The following CNTN5 variants were observed in gnomAD, a reference collection of about 807,000 sequenced individuals.
CNTN5 encodes the protein contactin 5.
In CNTN5, 77 loss-of-function variants were observed where a neutral mutation model predicts 129.1. The observed-to-expected ratio is 0.60, with a 90% CI of 0.50 to 0.72. CNTN5 has a LOEUF of 0.72. Ranked by LOEUF, CNTN5 falls within the 30% of genes least tolerant of loss-of-function variation. CNTN5 has a pLI of 0.00. For missense variants in CNTN5, 1,478 were observed against 1,328.8 expected, an observed-to-expected ratio of 1.11 and a Z score of -1.75; for synonymous variants, 509 against 465.6, an observed-to-expected ratio of 1.09 and a Z score of -1.20.
chr11:99,440,778 T>C (rs943627463), intron 2 of CNTN5, among the ~76,000 whole-genome samples: 2 of 152,178 alleles, frequency 1.3e-5, no homozygotes, highest in African/African-American at 4.8e-5. Context: ...AGTGCATAGA[T>C]ATGTCCAGGC....
At chr11:99,403,830 A>G (rs1466392332) in intron 2 of CNTN5, among the ~76,000 whole-genome samples, 1 of 152,172 alleles carries the variant, frequency 6.6e-6, no homozygotes, top group Non-Finnish European at 1.5e-5. Context: ...TGTATTCTGC[A>G]GTTCTTGGAT....
chr11:99,050,792 A>T (rs927335593), intron 1 of CNTN5, among the ~76,000 whole-genome samples: 3 of 151,864 alleles, frequency 2.0e-5, no homozygotes, highest in African/African-American at 7.2e-5. Context: ...GAAAAATTGA[A>T]TATATGTTTT....
At position 100,216,167 on chromosome 11, in the gene CNTN5, T is replaced by C. The variant is rs578080897; in HGVS notation, c.1885-8525T>C. ...TAACTGATGAGTGAGATGAAGCTACTCATACTCTCCGTGGCTGGGCTCTGC... is the reference window on the plus strand; with the variant it reads ...TAACTGATGAGTGAGATGAAGCTACCCATACTCTCCGTGGCTGGGCTCTGC... On this transcript the variant is annotated intron_variant, in intron 15 of 24. Transcript: ENST00000524871. Among the ~76,000 whole-genome samples, 43 of 152,242 alleles carry C rather than the reference T, an allele frequency of 2.8e-4. 1 individual carries two copies. In the South Asian group the frequency reaches 8.7e-3, roughly 31 times the overall value.
intron 23 of CNTN5, among the ~76,000 whole-genome samples, chr11:100,350,050 T>C (rs1230916424): frequency 6.6e-6 from 1 of 151,870 alleles, no homozygotes; most frequent in Non-Finnish European, 1.5e-5. Flanking sequence ...GCTTTAGCTT[T>C]GCTACACCAT....
chr11:99,150,630 T>G (rs1006213871), intron 1 of CNTN5, among the ~76,000 whole-genome samples: 8 of 152,030 alleles, frequency 5.3e-5, no homozygotes, highest in Admixed American at 1.3e-4. Context: ...TTTCAGAAAG[T>G]TGTAATAAAT....
At chr11:100,333,431 A>C (rs1004829684) in intron 21 of CNTN5, among the ~76,000 whole-genome samples, 1 of 142,568 alleles carries the variant, frequency 7.0e-6, no homozygotes, top group Non-Finnish European at 1.5e-5. Context: ...AAAAAAAAAA[A>C]ACACCTAAAA....
intron 3 of CNTN5, among the ~76,000 whole-genome samples, chr11:99,590,655 A>G (rs117534836): frequency 1.3e-5 from 2 of 152,356 alleles, no homozygotes; most frequent in East Asian, 3.9e-4. Flanking sequence ...TTCCAGACAA[A>G]GGGAATAGCA....
chr11:99,339,834 T>C (rs1378696394), intron 2 of CNTN5, among the ~76,000 whole-genome samples: 1 of 150,744 alleles, frequency 6.6e-6, no homozygotes, highest in Non-Finnish European at 1.5e-5. Flanking sequence ...TTGATTGGAC[T>C]AGAGAAGAGT....
intron 6 of CNTN5, among the ~76,000 whole-genome samples, chr11:99,881,525 A>G (rs1459600809): frequency 1.3e-5 from 2 of 152,214 alleles, no homozygotes; most frequent in Admixed American, 1.3e-4. Context: ...GAATTACAGC[A>G]TCATTGTTCT....
chr11:99,124,061 T>G (rs1019595953), intron 1 of CNTN5, among the ~76,000 whole-genome samples: 3 of 152,110 alleles, frequency 2.0e-5, no homozygotes, highest in Non-Finnish European at 4.4e-5. Context: ...CCTAATTCTG[T>G]GAAGAATGTC....
intron 2 of CNTN5, among the ~76,000 whole-genome samples, chr11:99,338,317 T>C (rs963850504): frequency 6.6e-6 from 1 of 152,190 alleles, no homozygotes; most frequent in Non-Finnish European, 1.5e-5. Flanking sequence ...TTGAATTGCA[T>C]TTTGGTCTTT....
At chr11:100,297,574 C>A (rs770125210) in intron 18 of CNTN5, 51 bp from the exon 19 acceptor site, 2 of 1,249,524 alleles carry the variant, frequency 1.6e-6, no homozygotes, top group Non-Finnish European at 2.2e-6. Flanking sequence ...TTTTATCCAA[C>A]GTAGGTTGGG....
chr11:100,227,286 T>C (rs1033800222), intron 16 of CNTN5, among the ~76,000 whole-genome samples: 1 of 152,092 alleles, frequency 6.6e-6, no homozygotes, highest in African/African-American at 2.4e-5. Context: ...ATAAAATTAT[T>C]TTATACATTT....
intron 9 of CNTN5, among the ~76,000 whole-genome samples, chr11:100,033,492 T>C (rs1026334931): frequency 6.6e-6 from 1 of 152,184 alleles, no homozygotes; most frequent in Non-Finnish European, 1.5e-5. Context: ...TCTTAATCCA[T>C]GATGTCTAAT....
intron 2 of CNTN5, among the ~76,000 whole-genome samples, chr11:99,527,595 G>A (rs1034351532): frequency 6.6e-6 from 1 of 151,650 alleles, no homozygotes; most frequent in Non-Finnish European, 1.5e-5. Flanking sequence ...AAAGTGACAA[G>A]GTAAACAGAA....
At chr11:99,154,201 C>G (rs775688183) in intron 1 of CNTN5, among the ~76,000 whole-genome samples, 1 of 152,142 alleles carries the variant, frequency 6.6e-6, no homozygotes, top group African/African-American at 2.4e-5. Flanking sequence ...GAGCAGGGTA[C>G]AGTGTTCCTG....
chr11:99,827,192 A>G (rs1946989666), intron 4 of CNTN5, among the ~76,000 whole-genome samples: 1 of 152,128 alleles, frequency 6.6e-6, no homozygotes, highest in African/African-American at 2.4e-5. Flanking sequence ...GGTTCAAGCG[A>G]TTCTCTAACG....
At chr11:99,192,876 T>A (rs948209320) in intron 1 of CNTN5, among the ~76,000 whole-genome samples, 4 of 152,134 alleles carry the variant, frequency 2.6e-5, no homozygotes, top group African/African-American at 7.2e-5. Flanking sequence ...GATGCCCATA[T>A]AACAGCACCA....
intron 1 of CNTN5, among the ~76,000 whole-genome samples, chr11:99,033,080 A>T (rs989873742): frequency 6.7e-6 from 1 of 148,162 alleles, no homozygotes; most frequent in Non-Finnish European, 1.5e-5. Context: ...ATAGTTGTAG[A>T]TATGCGGCGT....
Sources: gnomAD v4.1 joint callset for allele counts (sites outside exome capture counted in the v4.1 genomes callset) on GRCh38, gnomAD v4.1.1 for gene constraint, MANE v1.5 for transcripts, NCBI Gene and HGNC (gene_info 2026-07-23, HGNC 2026-07-21) for gene names.